The following RECK variants were observed in gnomAD, a reference collection of about 807,000 sequenced individuals.
RECK encodes reversion inducing cysteine rich protein with kazal motifs.
RECK carries 69 observed loss-of-function variants against 115.1 expected under a neutral mutation model. The ratio of observed to expected loss-of-function variants is 0.60; its 90% CI spans 0.49 to 0.73. The LOEUF is 0.73. Ranked by LOEUF, RECK falls within the 30% of genes least tolerant of loss-of-function variation. The pLI is 0.00. For synonymous variants in RECK, 414 were observed against 419.7 expected (o/e 0.99, Z 0.17); for missense variants, 1,047 against 1,203.7 (o/e 0.87, Z 1.93).
In RECK at chr9:36,058,888, GC is replaced by G; in HGVS notation, c.224del (p.Pro75GlnfsTer11). On this transcript the variant is annotated frameshift_variant, in exon 3 of 21. Transcript: ENST00000377966. LOFTEE classifies it high-confidence loss of function. ...KHLLQRAPDY[C>X]PETMVEIWNC... ...CTGTTGCAGCGAGCCCCAGATTATT[GC>G]CCAGAGACAATGGTAAGTCTTATTG... is the stretch of plus-strand genomic sequence containing the variant. 6.4e-7 allele frequency: 1 copy of G among 1,557,810 alleles called. No homozygotes were observed. Among genetic ancestry groups the G allele is most frequent in the Middle Eastern group, 1.7e-4 (1 of 5,826 alleles).
chr9:36,063,856 G>A lies in RECK; in HGVS notation c.333G>A (p.Leu111=). ...GLGCCELAIA[L]ECRQACKQAS... ...GCTGCTGTGAACTGGCTATTGCCTTGGAGTGTCGACAGGCATGCAAGCAGG... is the reference window on the plus strand; with the variant it reads ...GCTGCTGTGAACTGGCTATTGCCTTAGAGTGTCGACAGGCATGCAAGCAGG... The change falls in exon 5 of 21, where the codon TTG becomes TTA. Residue 111 remains leucine (L), a synonymous_variant. Coordinates refer to ENST00000377966, the MANE Select transcript of RECK (RefSeq NM_021111.3). 1 of 1,614,044 alleles carries A rather than the reference G, an allele frequency of 6.2e-7. No homozygotes were observed. Among genetic ancestry groups the A allele is most frequent in the South Asian group, 1.1e-5 (1 of 91,074 alleles).
chr9:36,049,596 AC>A (rs1343172366), intron 1 of RECK, among the ~76,000 whole-genome samples: 2 of 152,174 alleles, frequency 1.3e-5, no homozygotes, highest in African/African-American at 4.8e-5. Context: ...CCCATGGGCC[AC>A]CGTTTGGGCA....
chr9:36,121,528 T>G lies in RECK; in HGVS notation c.2539-5T>G, dbSNP rs565824406. On this transcript the variant is annotated splice_region_variant and splice_polypyrimidine_tract_variant and intron_variant, in intron 19 of 20. Coordinates refer to ENST00000377966, the MANE Select transcript of RECK (RefSeq NM_021111.3). ...TTTCAGGTAATACATGTTTTCTCTT[T>G]CCAGGTAACAAATAAAAAGCCAATA... The G allele has an allele frequency of 6.2e-7, 1 of 1,612,526 alleles. No homozygotes were observed. The highest frequency in any genetic ancestry group is 1.1e-5 in the South Asian group (1 of 90,834).
At chr9:36,069,774 C>G (rs1822157338) in intron 6 of RECK, among the ~76,000 whole-genome samples, 1 of 151,888 alleles carries the variant, frequency 6.6e-6, no homozygotes, top group Non-Finnish European at 1.5e-5. Flanking sequence ...TTTAAAGAAG[C>G]CCTACAAATA....
intron 1 of RECK, among the ~76,000 whole-genome samples, chr9:36,043,811 C>T (rs1203706044): frequency 1.3e-5 from 2 of 151,968 alleles, no homozygotes; most frequent in Non-Finnish European, 2.9e-5. Flanking sequence ...TTTGTTTTGT[C>T]GAAGATCAGT....
intron 1 of RECK, among the ~76,000 whole-genome samples, chr9:36,038,067 C>T (rs1820740220): frequency 6.7e-6 from 1 of 149,628 alleles, no homozygotes; most frequent in Admixed American, 6.6e-5. Context: ...AATCCCAGCA[C>T]TTTGGGAGGT....
intron 1 of RECK, among the ~76,000 whole-genome samples, chr9:36,038,099 G>C (rs1340162455): frequency 1.3e-5 from 2 of 151,318 alleles, no homozygotes; most frequent in Non-Finnish European, 2.9e-5. Context: ...GATCCCTTGA[G>C]CCCAGGAGTT....
At chr9:36,118,610 A>C (rs1230356696) in intron 17 of RECK, 147 bp from the exon 18 acceptor site, 1 of 698,894 alleles carries the variant, frequency 1.4e-6, no homozygotes, top group Non-Finnish European at 2.3e-6. Context: ...CCCAGCATTT[A>C]GCCCACCTCA....
At chr9:36,116,888 C>T in intron 16 of RECK, 97 bp from the exon 17 acceptor site, 1 of 942,912 alleles carries the variant, frequency 1.1e-6, no homozygotes, top group East Asian at 2.4e-5. Flanking sequence ...TCATCTCTTG[C>T]TCTCTCTTCA....
chr9:36,123,106 C>A lies in RECK; in HGVS notation c.*61C>A. ...ACTCTCCTGCCTTGAAAAAGACATT[C>A]AGGACTGCTGGTTTGTAGTTGAATA... On this transcript the variant is annotated 3_prime_UTR_variant, in exon 21 of 21. Coordinates refer to ENST00000377966, the MANE Select transcript of RECK (RefSeq NM_021111.3). 7.5e-7 allele frequency: 1 copy of A among 1,339,926 alleles called. No homozygotes were observed. Among genetic ancestry groups the A allele is most frequent in the Non-Finnish European group, 1.0e-6 (1 of 956,788 alleles). The allele number at this position is 1,339,926 out of a possible 1,614,324, so 83.0% of individuals were successfully genotyped here. A position where few individuals can be genotyped will look rare whatever the true frequency, so the allele number is the denominator to read the frequency against.
At chr9:36,039,436 C>T (rs1820789502) in intron 1 of RECK, among the ~76,000 whole-genome samples, 1 of 152,222 alleles carries the variant, frequency 6.6e-6, no homozygotes, top group African/African-American at 2.4e-5. Flanking sequence ...TTGGGTACTT[C>T]TGTCTGCTCT....
intron 6 of RECK, among the ~76,000 whole-genome samples, chr9:36,080,369 G>T (rs1179149937): frequency 1.3e-5 from 2 of 152,132 alleles, no homozygotes; most frequent in African/African-American, 4.8e-5. Flanking sequence ...AACTTGGTTT[G>T]CTATAACTGG....
intron 2 of RECK, among the ~76,000 whole-genome samples, chr9:36,056,599 G>A (rs1821537887): frequency 6.6e-6 from 1 of 152,132 alleles, no homozygotes; most frequent in Non-Finnish European, 1.5e-5. Context: ...TTTCTACAAT[G>A]ATGAAAATAT....
chr9:36,102,274 C>T (rs769852605), intron 12 of RECK, 44 bp downstream of exon 12: 3 of 1,498,934 alleles, frequency 2.0e-6, no homozygotes, highest in African/African-American at 2.8e-5. Flanking sequence ...TCAAATACTT[C>T]TCTCTTCCAA....
intron 1 of RECK, among the ~76,000 whole-genome samples, chr9:36,039,626 C>T (rs770715310): frequency 9.2e-5 from 14 of 152,154 alleles, no homozygotes; most frequent in Non-Finnish European, 1.8e-4. Flanking sequence ...TGTGTCATGG[C>T]ACCTGATAAT....
At chr9:36,112,845 T>G (rs1264153581) in intron 16 of RECK, among the ~76,000 whole-genome samples, 1 of 152,238 alleles carries the variant, frequency 6.6e-6, no homozygotes, top group African/African-American at 2.4e-5. Flanking sequence ...TCCGTAACAT[T>G]GTTATCTCCA....
intron 5 of RECK, among the ~76,000 whole-genome samples, chr9:36,064,814 G>A (rs986154160): frequency 1.3e-5 from 2 of 152,110 alleles, no homozygotes; most frequent in African/African-American, 2.4e-5. Flanking sequence ...GTTCTAAATT[G>A]CACTGGCCTA....
At chr9:36,082,104 GT>G (rs1822723786) in intron 7 of RECK, among the ~76,000 whole-genome samples, 2 of 145,490 alleles carry the variant, frequency 1.4e-5, no homozygotes, top group Middle Eastern at 7.8e-3. Context: ...CCTGATTCTG[GT>G]TCCTCCATAT....
At chr9:36,075,422 T>C (rs1487206586) in intron 6 of RECK, among the ~76,000 whole-genome samples, 1 of 152,228 alleles carries the variant, frequency 6.6e-6, no homozygotes. Flanking sequence ...TTTTGAGTGT[T>C]CATTTTTATT....
Sources: gnomAD v4.1 joint callset for allele counts (sites outside exome capture counted in the v4.1 genomes callset) on GRCh38, gnomAD v4.1.1 for gene constraint, MANE v1.5 for transcripts, NCBI Gene and HGNC (gene_info 2026-07-23, HGNC 2026-07-21) for gene names.